The following TRAPPC9 variants were observed in gnomAD, a reference collection of about 807,000 sequenced individuals.
TRAPPC9 encodes the protein IKK2 binding protein.
A neutral mutation model predicts 124.0 loss-of-function variants in TRAPPC9; 83 were observed. The ratio of observed to expected loss-of-function variants is 0.67; its 90% confidence interval spans 0.56 to 0.80. The LOEUF is 0.80. TRAPPC9 is among the 30% of genes least tolerant of loss of function. TRAPPC9 has a pLI of 0.00. For missense variants in TRAPPC9, 1,302 were observed against 1,508.3 expected (o/e 0.86, Z 2.27); for synonymous variants, 638 against 617.5 (o/e 1.03, Z -0.49).
At chr8:139,741,086 C>T (rs1818521938) in intron 21 of TRAPPC9, among the ~76,000 whole-genome samples, 1 of 152,194 alleles carries the variant, frequency 6.6e-6, no homozygotes. Context: ...GCCCTACCTG[C>T]ACCCACGGCC....
chr8:140,437,211 G>A (rs2070845005), intron 3 of TRAPPC9, among the ~76,000 whole-genome samples: 1 of 152,022 alleles, frequency 6.6e-6, no homozygotes, highest in South Asian at 2.1e-4. Context: ...TCTCCACCCA[G>A]TTAATGTTTT....
intron 9 of TRAPPC9, among the ~76,000 whole-genome samples, chr8:140,325,285 A>T (rs1461573691): frequency 6.6e-6 from 1 of 152,246 alleles, no homozygotes. Context: ...TGCACTGTAG[A>T]AGCTAGAAAA....
chr8:140,193,165 A>G (rs1030863021), intron 17 of TRAPPC9, among the ~76,000 whole-genome samples: 1 of 152,218 alleles, frequency 6.6e-6, no homozygotes, highest in African/African-American at 2.4e-5. Context: ...TTCATTCCAG[A>G]GTTGCTTGGA....
intron 21 of TRAPPC9, among the ~76,000 whole-genome samples, chr8:139,848,082 T>A (rs767251237): frequency 2.0e-5 from 3 of 152,140 alleles, no homozygotes; most frequent in Non-Finnish European, 4.4e-5. Context: ...TCACACCATC[T>A]AAAGGGCTTT....
chr8:140,047,470 G>A (rs780839821), intron 17 of TRAPPC9, among the ~76,000 whole-genome samples: 20 of 152,244 alleles, frequency 1.3e-4, no homozygotes, highest in Non-Finnish European at 2.1e-4. Flanking sequence ...GGGTCCCCAG[G>A]GGCCAGAGGA....
At chr8:140,444,787 G>C (rs111832908) in intron 2 of TRAPPC9, among the ~76,000 whole-genome samples, 7,879 of 151,216 alleles carry the variant, frequency 0.052, 406 homozygotes, top group African/African-American at 0.13. Context: ...CACTTGAACC[G>C]GGGAGGCGGA....
chr8:139,916,628 A>G (rs1313606594), intron 19 of TRAPPC9: 1 of 152,190 alleles, frequency 6.6e-6, no homozygotes, highest in African/African-American at 2.4e-5. Flanking sequence ...TTGAATGCCA[A>G]TTTTCATGTT....
At chr8:140,203,480 G>A (rs543178696) in intron 17 of TRAPPC9, among the ~76,000 whole-genome samples, 1 of 152,332 alleles carries the variant, frequency 6.6e-6, no homozygotes, top group African/African-American at 2.4e-5. Flanking sequence ...TCACAGTGTT[G>A]CTCAGTGAGG....
intron 17 of TRAPPC9, among the ~76,000 whole-genome samples, chr8:140,046,579 T>A: frequency 6.6e-6 from 1 of 152,206 alleles, no homozygotes. Flanking sequence ...CAGAAAATGG[T>A]TCCCAGAGCA....
chr8:140,013,589 A>G (rs1255448660), intron 18 of TRAPPC9, among the ~76,000 whole-genome samples: 1 of 152,218 alleles, frequency 6.6e-6, no homozygotes, highest in Non-Finnish European at 1.5e-5. Context: ...AGGGAGGCCA[A>G]CAAAGGCTTC....
At chr8:140,321,938 T>C (rs901883921) in intron 9 of TRAPPC9, among the ~76,000 whole-genome samples, 4 of 152,180 alleles carry the variant, frequency 2.6e-5, no homozygotes, top group African/African-American at 9.7e-5. Context: ...AGAGGCTTGC[T>C]GAGCTTGGTA....
chr8:140,027,992 T>C (rs752198403), intron 17 of TRAPPC9, among the ~76,000 whole-genome samples: 2 of 152,102 alleles, frequency 1.3e-5, no homozygotes, highest in Non-Finnish European at 2.9e-5. Flanking sequence ...CAAGATGAGA[T>C]TTGGGTGGGG....
intron 17 of TRAPPC9, among the ~76,000 whole-genome samples, chr8:140,038,656 A>G (rs1841064995): frequency 6.6e-6 from 1 of 152,220 alleles, no homozygotes; most frequent in Non-Finnish European, 1.5e-5. Context: ...CTGATGCAAC[A>G]ACACCCAGTG....
chr8:140,129,529 C>G (rs568058808), intron 17 of TRAPPC9, among the ~76,000 whole-genome samples: 3 of 152,124 alleles, frequency 2.0e-5, no homozygotes, highest in Admixed American at 6.5e-5. Flanking sequence ...GGTGAGCCGG[C>G]ACGGGGGATG....
At chr8:139,864,366 G>A (rs1045402393) in intron 21 of TRAPPC9, among the ~76,000 whole-genome samples, 2 of 152,240 alleles carry the variant, frequency 1.3e-5, no homozygotes, top group African/African-American at 4.8e-5. Flanking sequence ...GAAGGCGCCA[G>A]GGGTTAAATT....
chr8:140,248,132 T>C (rs913692287), intron 16 of TRAPPC9, among the ~76,000 whole-genome samples: 2 of 152,084 alleles, frequency 1.3e-5, no homozygotes, highest in East Asian at 1.9e-4. Context: ...TGATTCAGGA[T>C]AGCTCTTCTA....
chr8:139,929,684 C>CA (rs1307146990), intron 19 of TRAPPC9, among the ~76,000 whole-genome samples: 1 of 152,258 alleles, frequency 6.6e-6, no homozygotes, highest in Non-Finnish European at 1.5e-5. Context: ...CATGTTTCTG[C>CA]ATATGCCCTG....
chr8:140,273,354 T>C (rs545622864), intron 15 of TRAPPC9, among the ~76,000 whole-genome samples: 119 of 152,384 alleles, frequency 7.8e-4, no homozygotes, highest in African/African-American at 2.7e-3. Context: ...TCTGTTCTGG[T>C]GTGGCCTGTC....
Position 140,053,047 on chromosome 8 carries a change from G to GAT in TRAPPC9, c.2557-28969_2557-28968insAT, listed in dbSNP as rs142951373. Among the ~76,000 whole-genome samples, 695 of 152,304 alleles carry GAT rather than the reference G, an allele frequency of 4.6e-3. 3 individuals are homozygous for GAT. Among genetic ancestry groups the GAT allele is most frequent in the African/African-American group, 0.016 (662 of 41,570 alleles). On this transcript the variant is annotated intron_variant, in intron 17 of 22. Coordinates refer to ENST00000438773, the MANE Select transcript of TRAPPC9 (RefSeq NM_001160372.4). ...TACTAAGTAAAGGGGAGGAAAAAGAGACATCTCTTTCCTACAGAATTCCCA... is the reference window on the plus strand; with the variant it reads ...TACTAAGTAAAGGGGAGGAAAAAGAGATACATCTCTTTCCTACAGAATTCCCA...
Sources: allele counts gnomAD v4.1 joint callset (sites outside exome capture counted in the v4.1 genomes callset), GRCh38; gene constraint gnomAD v4.1.1; transcripts MANE v1.5; gene names NCBI Gene and HGNC (gene_info 2026-07-23, HGNC 2026-07-21).